NUTM2F: variants seen among roughly 807,000 people sequenced by gnomAD.
The protein encoded by NUTM2F is NUT family member 2F.
Under a neutral mutation model 43.3 loss-of-function variants are expected in NUTM2F, and 22 were observed. The observed-to-expected ratio is 0.51, with a 90% CI of 0.36 to 0.73. NUTM2F has a LOEUF of 0.73. Among genes scored for constraint, NUTM2F ranks in the 30% least tolerant of loss-of-function variants. The pLI is 0.00. For synonymous variants in NUTM2F, 202 were observed against 389.0 expected, an observed-to-expected ratio of 0.52 and a Z score of 5.66; for missense variants, 488 against 927.4, an observed-to-expected ratio of 0.53 and a Z score of 6.15.
chr9:94,321,163 G>T lies in NUTM2F; in HGVS notation c.912C>A (p.Ser304Arg). The change falls in exon 4 of 7, where the codon AGC (serine) becomes AGA (arginine). Residue 304 changes from serine to arginine, a missense_variant. By Grantham distance (110) the Ser-to-Arg change is moderately radical. Coordinates refer to ENST00000253262, the MANE Select transcript of NUTM2F (RefSeq NM_017561.2). ...GCCTCGGCGGGGCTGGAGGAGGCAGGCTCTGGGGCCCCTTCATCCACTGCG... is the reference window on the plus strand; with the variant it reads ...GCCTCGGCGGGGCTGGAGGAGGCAGTCTCTGGGGCCCCTTCATCCACTGCG... ...QKSQWMKGPQSLPPPAPPRLE... is the reference protein window; with the variant it reads ...QKSQWMKGPQRLPPPAPPRLE... 2 of 1,551,438 alleles carry T rather than the reference G, an allele frequency of 1.3e-6. No individual in the cohort carries two copies. Among genetic ancestry groups the T allele is most frequent in the Non-Finnish European group, 1.7e-6 (2 of 1,156,090 alleles).
chr9:94,326,101 C>T (rs1166469228), intron 1 of NUTM2F, among the ~76,000 whole-genome samples, 167 bp from the exon 2 acceptor site: 1 of 151,748 alleles, frequency 6.6e-6, no homozygotes, highest in Non-Finnish European at 1.5e-5. Flanking sequence ...ACGGCAGAGT[C>T]GCTCCACTAG....
At chr9:94,326,847 T>A (rs571347889) in intron 1 of NUTM2F, among the ~76,000 whole-genome samples, 1 of 151,324 alleles carries the variant, frequency 6.6e-6, no homozygotes, top group African/African-American at 2.4e-5. Context: ...ACGCCCAGCA[T>A]GCAAGTGATT....
chr9:94,319,980 A>C (rs1234635312), intron 5 of NUTM2F, among the ~76,000 whole-genome samples: 1 of 152,140 alleles, frequency 6.6e-6, no homozygotes, highest in African/African-American at 2.4e-5. Flanking sequence ...AGACACAGGT[A>C]ACATACACAC....
Position 94,320,662 on chromosome 9 carries a change from G to C in NUTM2F, c.983-69C>G. On this transcript the variant is annotated intron_variant, in intron 4 of 6. Transcript: ENST00000253262. This position sits in a 1 kb window ranked among gnomAD's most constrained non-coding sequence, Gnocchi z 4.5. ...CTCCTGCCTGCACCACACAGGGGAGGGCAGGGCTTGGGGATGTGAAGTGGG... is the reference window on the plus strand; with the variant it reads ...CTCCTGCCTGCACCACACAGGGGAGCGCAGGGCTTGGGGATGTGAAGTGGG... The C allele has an allele frequency of 6.9e-7, 1 of 1,458,906 alleles. No individual in the cohort carries two copies. The highest frequency in any genetic ancestry group is 2.5e-5 in the East Asian group (1 of 40,572). The allele number at this position is 1,458,906 out of a possible 1,614,324, so 90.4% of individuals were successfully genotyped here.
chr9:94,321,114 G>A lies in NUTM2F; in HGVS notation c.961C>T (p.Pro321Ser), dbSNP rs1465851869. Residue 321 changes from proline to serine, a missense_variant, in exon 4 of 7, where the codon CCT (proline) becomes TCT (serine). By Grantham distance (74) the Pro-to-Ser change is moderately conservative. Coordinates refer to ENST00000253262, the MANE Select transcript of NUTM2F (RefSeq NM_017561.2). The stretch of plus-strand genomic sequence containing the variant: ...GTACCTGGCTGCTTGACCACCTCAG[G>A]GGCAGGGGGTCCTCGAGGTTCAAGC... The part of the protein sequence containing the change: ...PRLEPRGPPA[P>S]EVVKQPVYLP... 9.0e-6 allele frequency: 14 copies of A among 1,552,522 alleles called. No homozygotes were observed. The highest frequency in any genetic ancestry group is 1.0e-5 in the Non-Finnish European group (12 of 1,156,756).
At chr9:94,328,538 G>C in intron 1 of NUTM2F, 70 bp downstream of exon 1, 4 of 1,611,640 alleles carry the variant, frequency 2.5e-6, no homozygotes, top group Non-Finnish European at 3.4e-6. Flanking sequence ...CCCAGGGACA[G>C]TTCAAATTTG....
chr9:94,327,105 TC>T (rs1248868354), intron 1 of NUTM2F, among the ~76,000 whole-genome samples: 6,396 of 125,434 alleles, frequency 0.051, 287 homozygotes, highest in Non-Finnish European at 0.084. Flanking sequence ...TTCTTTTTTT[TC>T]TTTTTTTTTT....
In NUTM2F at chr9:94,325,969, C is replaced by T. The variant is rs7875387; in HGVS notation, c.17-35G>A. The T allele has an allele frequency of 6.2e-6, 10 of 1,607,856 alleles. No individual in the cohort carries two copies. In the South Asian group the frequency reaches 6.6e-5, roughly 11 times the overall value. On this transcript the variant is annotated intron_variant, in intron 1 of 6. Coordinates refer to ENST00000253262, the MANE Select transcript of NUTM2F (RefSeq NM_017561.2). ...CAAAGGAAAGAGGTGAATGAGCTGG[C>T]GTCTCCAGGTCCACACTAGTCACTG... is the stretch of plus-strand genomic sequence containing the variant.
At chr9:94,321,019 G>T in intron 4 of NUTM2F, 74 bp downstream of exon 4, 1 of 1,511,498 alleles carries the variant, frequency 6.6e-7, no homozygotes, top group Non-Finnish European at 8.8e-7. Flanking sequence ...GGAAGCATGG[G>T]GTGTGGGGAC....
chr9:94,323,755 TGAA>T lies in NUTM2F; in HGVS notation c.714-1429_714-1427del, dbSNP rs1227532150. ...CCTTTTTTCTAGGGGGGATTGACGG[TGAA>T]GATGCTAATACCTGCCCAGCATCGA... On this transcript the variant is annotated intron_variant, in intron 2 of 6. Coordinates refer to ENST00000253262, the MANE Select transcript of NUTM2F (RefSeq NM_017561.2). Among the ~76,000 whole-genome samples, 6 of 152,292 alleles carry T rather than the reference TGAA, an allele frequency of 3.9e-5. No homozygotes were observed. In the South Asian group the frequency reaches 6.2e-4, roughly 16 times the overall value.
rs950451035 is a variant in NUTM2F at position 94,320,012 on chromosome 9, A to T, written c.1368+196T>A. On this transcript the variant is annotated intron_variant, in intron 5 of 6. Coordinates refer to ENST00000253262, the MANE Select transcript of NUTM2F (RefSeq NM_017561.2). This position sits in a 1 kb window ranked among gnomAD's most constrained non-coding sequence, Gnocchi z 4.5. ...ACACTCCACACTCACACCCACACAGACACACAAAGACACAGTAACAAATCA... is the reference window on the plus strand; with the variant it reads ...ACACTCCACACTCACACCCACACAGTCACACAAAGACACAGTAACAAATCA... 2.0e-5 allele frequency among the ~76,000 whole-genome samples: 3 copies of T among 152,214 alleles called. No individual in the cohort carries two copies. The highest frequency in any genetic ancestry group is 4.4e-5 in the Non-Finnish European group (3 of 68,032).
chr9:94,326,004 G>T, intron 1 of NUTM2F, 70 bp from the exon 2 acceptor site: 1 of 1,578,114 alleles, frequency 6.3e-7, no homozygotes, highest in Non-Finnish European at 8.6e-7. Flanking sequence ...GGGGAATCAG[G>T]GGAGTCCCAA....
intron 2 of NUTM2F, among the ~76,000 whole-genome samples, chr9:94,324,223 T>TCGTG (rs1831419528): frequency 2.0e-5 from 3 of 151,634 alleles, no homozygotes; most frequent in Admixed American, 1.3e-4. Flanking sequence ...TGAGCCAAGA[T>TCGTG]CTCACCATTG....
chr9:94,328,102 A>C (rs911322090), intron 1 of NUTM2F, among the ~76,000 whole-genome samples: 2 of 151,814 alleles, frequency 1.3e-5, no homozygotes, highest in African/African-American at 4.8e-5. Flanking sequence ...AGAGGCTGTC[A>C]CTACATGCTC....
intron 3 of NUTM2F, among the ~76,000 whole-genome samples, chr9:94,321,493 G>A (rs538042027): frequency 2.7e-5 from 4 of 147,274 alleles, no homozygotes; most frequent in South Asian, 2.3e-4. Context: ...GGAGGGTCCC[G>A]GGAACCCCTC....
intron 2 of NUTM2F, among the ~76,000 whole-genome samples, chr9:94,324,713 G>A: frequency 6.8e-6 from 1 of 147,896 alleles, no homozygotes; most frequent in Non-Finnish European, 1.5e-5. Flanking sequence ...TATTGGGGCG[G>A]GGCATGATGG....
chr9:94,325,988 G>C (rs1189459224), intron 1 of NUTM2F, 54 bp from the exon 2 acceptor site: 1 of 1,602,556 alleles, frequency 6.2e-7, no homozygotes, highest in African/African-American at 1.3e-5. Flanking sequence ...GTCCACACTA[G>C]TCACTGGGGA....
chr9:94,322,047 G>A (rs1314429655), intron 3 of NUTM2F, among the ~76,000 whole-genome samples, 154 bp downstream of exon 3: 1 of 150,658 alleles, frequency 6.6e-6, no homozygotes, highest in African/African-American at 2.5e-5. Flanking sequence ...TAGGTGTCAG[G>A]AGCAGCTTCC....
chr9:94,327,097 CT>C (rs1270082482), intron 1 of NUTM2F, among the ~76,000 whole-genome samples: 4 of 123,480 alleles, frequency 3.2e-5, no homozygotes, highest in Non-Finnish European at 7.3e-5. Flanking sequence ...TAGGGATTTT[CT>C]TTTTTTTCTT....
Sources: gnomAD v4.1 joint callset for allele counts (sites outside exome capture counted in the v4.1 genomes callset) on GRCh38, gnomAD v4.1.1 for gene constraint, Gnocchi (gnomAD v3.1) non-coding constraint, MANE v1.5 for transcripts, NCBI Gene and HGNC (gene_info 2026-07-23, HGNC 2026-07-21) for gene names.